PDXDC1: variants seen among roughly 807,000 people sequenced by gnomAD.
PDXDC1 encodes the protein pyridoxal-dependent decarboxylase domain-containing protein 1.
Under a neutral mutation model 100.1 loss-of-function variants are expected in PDXDC1, and 42 were observed. That is an observed-to-expected ratio of 0.42 (90% CI 0.33 to 0.54). The LOEUF is 0.54. Ranked by LOEUF, PDXDC1 falls within the 20% of genes least tolerant of loss-of-function variation. PDXDC1 has a pLI of 0.10. For synonymous variants in PDXDC1, 260 were observed against 371.7 expected (o/e 0.70, Z 3.46); for missense variants, 636 against 979.2 (o/e 0.65, Z 4.68).
At chr16:15,098,581 A>C (rs1160100837) in intron 16 of PDXDC1, among the ~76,000 whole-genome samples, 1 of 152,076 alleles carries the variant, frequency 6.6e-6, no homozygotes, top group Non-Finnish European at 1.5e-5. Flanking sequence ...TGTTGAGCAT[A>C]AAGAGTGACC....
chr16:15,128,599 G>A (rs2047884951), intron 16 of PDXDC1, among the ~76,000 whole-genome samples: 1 of 152,082 alleles, frequency 6.6e-6, no homozygotes, highest in Non-Finnish European at 1.5e-5. Flanking sequence ...TAAGTTACAT[G>A]GAAAGAACTG....
intron 16 of PDXDC1, chr16:15,134,334 G>A (rs2457532): frequency 5.8e-6 from 4 of 685,574 alleles, no homozygotes; most frequent in South Asian, 3.0e-5. Flanking sequence ...CCCGGCCACT[G>A]CGGATCAGCA....
chr16:15,083,595 A>G, intron 16 of PDXDC1: 1 of 1,592,710 alleles, frequency 6.3e-7, no homozygotes, highest in African/African-American at 1.4e-5. Flanking sequence ...ATTTTTAAAA[A>G]ATTAAATCAA....
At chr16:15,112,849 C>A (rs2047125220) in intron 16 of PDXDC1, among the ~76,000 whole-genome samples, 1 of 109,668 alleles carries the variant, frequency 9.1e-6, no homozygotes, top group Non-Finnish European at 1.9e-5. Flanking sequence ...ATGAGAGGTA[C>A]AAAGTTGTCC....
intron 16 of PDXDC1, among the ~76,000 whole-genome samples, chr16:15,136,311 T>C (rs2048344790): frequency 6.6e-6 from 1 of 152,144 alleles, no homozygotes; most frequent in African/African-American, 2.4e-5. Flanking sequence ...ACGGGGCCTG[T>C]GGGCACCGGC....
chr16:15,124,886 C>T (rs1486003859), intron 16 of PDXDC1, among the ~76,000 whole-genome samples: 4 of 151,894 alleles, frequency 2.6e-5, no homozygotes, highest in Non-Finnish European at 4.4e-5. Flanking sequence ...TGGTGGCTCA[C>T]GCCTGTAATC....
In PDXDC1 at chr16:15,135,309, C is replaced by T. The variant is rs1042373580; in HGVS notation, c.1400-3570C>T. The stretch of plus-strand genomic sequence containing the variant: ...TGGTTGGTGGCCTCCTCCTTGCGGC[C>T]GGCCTTCCACACGGTGAGGCTGAAG... On this transcript the variant is annotated intron_variant, in intron 16 of 16. Transcript: ENST00000535621. 5.6e-5 allele frequency: 85 copies of T among 1,527,658 alleles called. No homozygotes were observed. The African/African-American group carries it at 9.2e-4, about 17-fold the overall frequency. The allele number at this position is 1,527,658 out of a possible 1,614,324, so 94.6% of individuals were successfully genotyped here. A position where few individuals can be genotyped will look rare whatever the true frequency, so the allele number is the denominator to read the frequency against.
intron 16 of PDXDC1, chr16:15,104,258 C>G (rs1287565353): frequency 1.6e-5 from 21 of 1,354,746 alleles, no homozygotes; most frequent in Admixed American, 1.5e-4. Context: ...CCTCAGGTCC[C>G]TCAGGCAATC....
At chr16:15,093,231 T>C (rs2046211711) in intron 16 of PDXDC1, among the ~76,000 whole-genome samples, 1 of 152,188 alleles carries the variant, frequency 6.6e-6, no homozygotes, top group Non-Finnish European at 1.5e-5. Flanking sequence ...CTCCAACTCC[T>C]GACTTCAGAT....
rs11436275 is a variant in PDXDC1 at position 15,085,326 on chromosome 16, C to CTT, written c.1400-53544_1400-53543dup. Among the ~76,000 whole-genome samples the CTT allele has an allele frequency of 2.0e-3, 302 of 149,880 alleles. 2 individuals are homozygous for CTT. The highest frequency in any genetic ancestry group is 7.2e-3 in the Admixed American group (108 of 15,044). ...TAGGTGCCAGGTATTCTGTGCTTTA[C>CTT]TTTTTTTTTTAAAGAAGACAGTGTC... On this transcript the variant is annotated intron_variant, in intron 16 of 16. Transcript: ENST00000535621.
At chr16:15,086,819 C>G (rs2045932417) in intron 16 of PDXDC1, among the ~76,000 whole-genome samples, 1 of 152,118 alleles carries the variant, frequency 6.6e-6, no homozygotes, top group African/African-American at 2.4e-5. Flanking sequence ...ACAATAGCTA[C>G]CTCTATTTCC....
intron 1 of PDXDC1, among the ~76,000 whole-genome samples, chr16:14,981,569 C>G (rs1296350189): frequency 1.0e-4 from 16 of 152,396 alleles, no homozygotes; most frequent in African/African-American, 3.8e-4. Flanking sequence ...CTATTGTATG[C>G]TATTTTTCCA....
At chr16:15,128,339 C>T (rs1181635564) in intron 16 of PDXDC1, 21 of 1,608,280 alleles carry the variant, frequency 1.3e-5, no homozygotes, top group African/African-American at 9.4e-5. Context: ...TGCCGGTGGC[C>T]GCTCCGGCTG....
intron 16 of PDXDC1, chr16:15,073,013 C>G (rs1415806131): frequency 3.1e-6 from 5 of 1,613,244 alleles, no homozygotes; most frequent in Non-Finnish European, 4.2e-6. Flanking sequence ...GGGTGGGCAA[C>G]AGGAGTTTGT....
chr16:15,057,365 CATTT>C (rs2044563375), intron 16 of PDXDC1, among the ~76,000 whole-genome samples: 1 of 152,160 alleles, frequency 6.6e-6, no homozygotes, highest in Non-Finnish European at 1.5e-5. Flanking sequence ...ATCAACACCT[CATTT>C]GTCATTTGTC....
chr16:15,047,417 C>G, intron 16 of PDXDC1: 1 of 1,415,168 alleles, frequency 7.1e-7, no homozygotes, highest in East Asian at 2.3e-5. Context: ...TCTCAATTCA[C>G]CTATGAGAGC....
chr16:14,991,003 A>G (rs1279311091), intron 1 of PDXDC1, among the ~76,000 whole-genome samples: 3 of 152,258 alleles, frequency 2.0e-5, no homozygotes, highest in East Asian at 1.9e-4. Flanking sequence ...CGGCCTCCCA[A>G]CGTGCTGGGA....
chr16:15,106,378 A>C, intron 16 of PDXDC1: 1 of 591,006 alleles, frequency 1.7e-6, no homozygotes, highest in Non-Finnish European at 3.0e-6. Flanking sequence ...GATTTTAAAT[A>C]ATCTGCCATG....
At chr16:15,007,473 C>T (rs1230639712) in intron 6 of PDXDC1, among the ~76,000 whole-genome samples, 19 of 152,364 alleles carry the variant, frequency 1.2e-4, no homozygotes, top group African/African-American at 4.6e-4. Flanking sequence ...TGCGCCCAGC[C>T]GAGCATGACT....
Sources: gnomAD v4.1 joint callset for allele counts (sites outside exome capture counted in the v4.1 genomes callset) on GRCh38, gnomAD v4.1.1 for gene constraint, MANE v1.5 for transcripts, NCBI Gene and HGNC (gene_info 2026-07-23, HGNC 2026-07-21) for gene names.